HTR3A: variants seen among roughly 807,000 people sequenced by gnomAD.
HTR3A encodes 5-hydroxytryptamine receptor 3A.
HTR3A carries 45 observed loss-of-function variants against 54.8 expected under a neutral mutation model. The observed-to-expected ratio is 0.82, with a 90% CI of 0.65 to 1.05. The LOEUF (loss-of-function observed/expected upper bound fraction) is 1.05, where lower values mean the gene tolerates loss of function less well. Among genes scored for constraint, HTR3A ranks in the 50% least tolerant of loss-of-function variants. The pLI is 0.00. For missense variants in HTR3A, 657 were observed against 614.0 expected (o/e 1.07, Z -0.74); for synonymous variants, 297 against 256.0 (o/e 1.16, Z -1.53).
In HTR3A at chr11:113,989,940, C is replaced by T. The variant is rs1290804035; in HGVS notation, c.*177C>T. ...AGCAATCACAAGCCAAGGTCTGAAC[C>T]CTTCCACCAAAAACTGGGTGTTCAA... On this transcript the variant is annotated 3_prime_UTR_variant, in exon 9 of 9. Coordinates refer to ENST00000504030, the MANE Select transcript of HTR3A (RefSeq NM_000869.6). This position sits in a 1 kb window ranked among gnomAD's most constrained non-coding sequence, Gnocchi z 4.4. The T allele has an allele frequency of 8.9e-6, 7 of 785,334 alleles. No homozygotes were observed. Among genetic ancestry groups the T allele is most frequent in the Non-Finnish European group, 6.5e-6 (3 of 463,222 alleles). 48.6% of individuals were successfully genotyped at this position (785,334 alleles called of 1,614,324 possible).
rs538464519 is a variant in HTR3A, at chr11:113,977,694, A to G, written c.68-77A>G. 7 of 1,563,026 alleles carry G rather than the reference A, an allele frequency of 4.5e-6. No individual in the cohort carries two copies. The East Asian group carries it at 1.7e-4, about 37-fold the overall frequency. Reference sequence around the variant, plus strand: ...ATGGTGGGGATACGTCTCTTTTAACAGCTTACAAACCAGGACAAGAGAACC... The same window carrying G: ...ATGGTGGGGATACGTCTCTTTTAACGGCTTACAAACCAGGACAAGAGAACC... On this transcript the variant is annotated intron_variant, in intron 1 of 8. Coordinates refer to ENST00000504030, the MANE Select transcript of HTR3A (RefSeq NM_000869.6).
rs1379931376 is a variant in HTR3A at position 113,989,047 on chromosome 11, C to T, written c.1139-418C>T. Among the ~76,000 whole-genome samples the T allele has an allele frequency of 6.6e-6, 1 of 152,034 alleles. No individual in the cohort carries two copies. Among genetic ancestry groups the T allele is most frequent in the Non-Finnish European group, 1.5e-5 (1 of 68,028 alleles). On this transcript the variant is annotated intron_variant, in intron 8 of 8. Transcript: ENST00000504030. This position sits in a 1 kb window ranked among gnomAD's most constrained non-coding sequence, Gnocchi z 4.4. ...TGGATTTGCAGGTATGTAAGTTACTCTTTATACTTTTTATGTCTAAAGTTG... is the reference window on the plus strand; with the variant it reads ...TGGATTTGCAGGTATGTAAGTTACTTTTTATACTTTTTATGTCTAAAGTTG...
rs1300983496 is a variant in HTR3A, at chr11:113,986,597, T to C, written c.785T>C (p.Val262Ala). 6.2e-7 allele frequency: 1 copy of C among 1,613,628 alleles called. No homozygotes were observed. The highest frequency in any genetic ancestry group is 1.3e-5 in the African/African-American group (1 of 74,930). The change falls in exon 7 of 9, where the codon GTG becomes GCG. Residue 262 changes from valine to alanine, a missense_variant. Physicochemically the swap from Val to Ala is moderately conservative, Grantham distance 64 (BLOSUM62 0). Transcript: ENST00000504030. ...ATCTTCCTCATGGTCATGGACATCG[T>C]GGGCTTCTACCTGCCCCCCAACAGT... ...PSIFLMVMDI[V>A]GFYLPPNSGE...
intron 2 of HTR3A, 137 bp from the exon 3 acceptor site, chr11:113,979,096 G>A (rs975613507): frequency 1.8e-5 from 13 of 733,108 alleles, no homozygotes; most frequent in African/African-American, 1.4e-4. Context: ...CTACTTTCCC[G>A]ACCCCGGCCC....
rs567624750 is a variant in HTR3A, at chr11:113,980,210, C to T, written c.264+933C>T. On this transcript the variant is annotated intron_variant, in intron 3 of 8. Transcript: ENST00000504030. ...AGCTCTCACCTCTGGAGCTCTAGGG[C>T]CACTTGTCTGTCCCAGTTACTTGCA... 5.3e-5 allele frequency among the ~76,000 whole-genome samples: 8 copies of T among 152,316 alleles called. No homozygotes were observed. In the East Asian group the frequency reaches 1.4e-3, roughly 26 times the overall value.
chr11:113,986,929 G>C lies in HTR3A; in HGVS notation c.1021G>C (p.Ala341Pro), dbSNP rs761337819. ...HKQDLQQPVP[A>P]WLRHLVLERI... The stretch of plus-strand genomic sequence containing the variant: ...GCAAGACCTGCAGCAGCCCGTGCCT[G>C]CTTGGCTGCGTCACCTGGTTCTGGA... The change falls in exon 8 of 9, where the codon GCT becomes CCT. Residue 341 changes from alanine to proline, a missense_variant. Physicochemically the swap from Ala to Pro is conservative, Grantham distance 27. Coordinates refer to ENST00000504030, the MANE Select transcript of HTR3A (RefSeq NM_000869.6). The C allele has an allele frequency of 6.2e-7, 1 of 1,614,196 alleles. No homozygotes were observed. Among genetic ancestry groups the C allele is most frequent in the Non-Finnish European group, 8.5e-7 (1 of 1,180,040 alleles).
chr11:113,975,444 G>C, intron 1 of HTR3A, 52 bp downstream of exon 1: 3 of 1,485,650 alleles, frequency 2.0e-6, no homozygotes, highest in Non-Finnish European at 2.8e-6. Context: ...TGCTGAGGTG[G>C]GGCAGGGGAT....
chr11:113,981,134 C>T lies in HTR3A; in HGVS notation c.265-69C>T, dbSNP rs187977954. 7.2e-4 allele frequency: 691 copies of T among 959,432 alleles called. 1 individual carries two copies. The African/African-American group carries it at 0.01, about 15-fold the overall frequency. 59.4% of individuals were successfully genotyped at this position (959,432 alleles called of 1,614,324 possible). A position where few individuals can be genotyped will look rare whatever the true frequency, so the allele number is the denominator to read the frequency against. The stretch of plus-strand genomic sequence containing the variant: ...GCCTGGGCACTGAGGGTGAAGTCTG[C>T]CTGAGTTGCAGGCGACCCTCACTGG... On this transcript the variant is annotated intron_variant, in intron 3 of 8. Transcript: ENST00000504030.
chr11:113,980,375 G>A (rs1950407074), intron 3 of HTR3A, among the ~76,000 whole-genome samples: 1 of 152,218 alleles, frequency 6.6e-6, no homozygotes, highest in South Asian at 2.1e-4. Flanking sequence ...AATGCAACAA[G>A]ACAGCCACTC....
chr11:113,984,050 T>A (rs1004513832), intron 5 of HTR3A, among the ~76,000 whole-genome samples: 4 of 152,060 alleles, frequency 2.6e-5, no homozygotes, highest in African/African-American at 9.7e-5. Flanking sequence ...TCATATTCTT[T>A]CCCTTTATCA....
Position 113,989,428 on chromosome 11 carries a change from G to A in HTR3A, c.1139-37G>A, listed in dbSNP as rs750769093. 6.2e-7 allele frequency: 1 copy of A among 1,612,106 alleles called. No homozygotes were observed. The highest frequency in any genetic ancestry group is 2.2e-5 in the East Asian group (1 of 44,866). On this transcript the variant is annotated intron_variant, in intron 8 of 8. Transcript: ENST00000504030. This position sits in a 1 kb window ranked among gnomAD's most constrained non-coding sequence, Gnocchi z 4.4. ...AACCATGTTCAGGTCACCACCCGGG[G>A]TCTCCCTCTCTTGCCAATGCCCTGC...
chr11:113,985,450 T>C (rs1950477723), intron 5 of HTR3A, among the ~76,000 whole-genome samples: 1 of 152,226 alleles, frequency 6.6e-6, no homozygotes, highest in Non-Finnish European at 1.5e-5. Context: ...ATTTTCTGAT[T>C]GATGGATATT....
At chr11:113,975,591 T>A (rs917997768) in intron 1 of HTR3A, among the ~76,000 whole-genome samples, 199 bp downstream of exon 1, 2 of 152,070 alleles carry the variant, frequency 1.3e-5, no homozygotes, top group African/African-American at 2.4e-5. Context: ...GAATGTTGAG[T>A]CCTGGGGTGG....
At position 113,975,216 on chromosome 11, in the gene HTR3A, A is replaced by G; in HGVS notation, c.-110A>G. 1 of 1,051,892 alleles carries G rather than the reference A, an allele frequency of 9.5e-7. No homozygotes were observed. Among genetic ancestry groups the G allele is most frequent in the South Asian group, 1.3e-5 (1 of 75,432 alleles). 65.2% of individuals were successfully genotyped at this position (1,051,892 alleles called of 1,614,324 possible). A position where few individuals can be genotyped will look rare whatever the true frequency, so the allele number is the denominator to read the frequency against. ...GCCTCAGAAGGTGTGAGCAGTGGCC[A>G]CGAGAGGCAGGCTGGCTGGGACATG... On this transcript the variant is annotated 5_prime_UTR_variant, in exon 1 of 9. Transcript: ENST00000504030.
rs1181134117 is a variant in HTR3A, at chr11:113,989,499, C to G, written c.1173C>G (p.Pro391=). 1 of 1,614,140 alleles carries G rather than the reference C, an allele frequency of 6.2e-7. No homozygotes were observed. The highest frequency in any genetic ancestry group is 1.3e-5 in the African/African-American group (1 of 75,036). ...MGNHCSHMGG[P]QDFEKSPRDR... ...ACCACTGCAGCCACATGGGAGGACC[C>G]CAGGACTTCGAGAAGAGCCCGAGGG... The change falls in exon 9 of 9, where the codon CCC becomes CCG. Residue 391 remains proline, a synonymous_variant. Transcript: ENST00000504030. This position sits in a 1 kb window ranked among gnomAD's most constrained non-coding sequence, Gnocchi z 4.4.
intron 5 of HTR3A, among the ~76,000 whole-genome samples, chr11:113,984,790 C>T (rs971057224): frequency 5.8e-4 from 89 of 152,254 alleles, no homozygotes; most frequent in Non-Finnish European, 7.8e-4. Context: ...CAGTGGCAGG[C>T]GCCTGTAATC....
intron 5 of HTR3A, 104 bp from the exon 6 acceptor site, chr11:113,985,911 A>T: frequency 8.1e-7 from 1 of 1,233,106 alleles, no homozygotes. Context: ...GGGCCATCGG[A>T]TATCAGCTCC....
Position 113,986,680 on chromosome 11 carries a change from A to G in HTR3A, c.868A>G (p.Ile290Val), listed in dbSNP as rs759087911. 6.2e-7 allele frequency: 1 copy of G among 1,614,080 alleles called. No homozygotes were observed. The highest frequency in any genetic ancestry group is 2.2e-5 in the East Asian group (1 of 44,878). ...LLLGYSVFLI[I>V]VSDTLPATAI... ...CCTGGGCTACTCGGTCTTCCTGATC[A>G]TCGTTTCTGACACGCTGCCGGCCAC... Residue 290 changes from isoleucine (I) to valine (V), a missense_variant, in exon 7 of 9, where the codon ATC becomes GTC. Physicochemically the swap from Ile to Val is conservative, Grantham distance 29. Coordinates refer to ENST00000504030, the MANE Select transcript of HTR3A (RefSeq NM_000869.6).
chr11:113,985,958 G>A (rs1950484660), intron 5 of HTR3A, 57 bp from the exon 6 acceptor site: 3 of 1,596,696 alleles, frequency 1.9e-6, no homozygotes, highest in East Asian at 2.2e-5. Context: ...ATCATCACAG[G>A]GTCCAGCAGG....
Sources: gnomAD v4.1 joint callset for allele counts (sites outside exome capture counted in the v4.1 genomes callset) on GRCh38, gnomAD v4.1.1 for gene constraint, Gnocchi (gnomAD v3.1) non-coding constraint, MANE v1.5 for transcripts, NCBI Gene and HGNC (gene_info 2026-07-23, HGNC 2026-07-21) for gene names.